Variants in TMEM117 observed in about 807,000 individuals in gnomAD.
TMEM117 encodes transmembrane protein 117.
In TMEM117, 27 loss-of-function variants were observed where a neutral mutation model predicts 52.4. The observed-to-expected ratio is 0.51, with a 90% CI of 0.38 to 0.71. The LOEUF (loss-of-function observed/expected upper bound fraction) is 0.71, where lower values mean the gene tolerates loss of function less well. TMEM117 is among the 30% of genes least tolerant of loss of function. TMEM117 has a pLI of 0.00. For missense variants in TMEM117, 556 were observed against 630.5 expected, an observed-to-expected ratio of 0.88 and a Z score of 1.26; for synonymous variants, 215 against 206.3, an observed-to-expected ratio of 1.04 and a Z score of -0.36.
chr12:44,147,301 G>A (rs2138210893), intron 4 of TMEM117, among the ~76,000 whole-genome samples: 1 of 152,242 alleles, frequency 6.6e-6, no homozygotes, highest in Non-Finnish European at 1.5e-5. Flanking sequence ...GTGCCATTAA[G>A]TCAGAAGCTG....
At chr12:44,174,783 T>C (rs1340145136) in intron 4 of TMEM117, among the ~76,000 whole-genome samples, 1 of 152,160 alleles carries the variant, frequency 6.6e-6, no homozygotes, top group East Asian at 1.9e-4. Context: ...CGTACAGAGT[T>C]TATCTAGTGA....
At chr12:44,259,735 T>C (rs1236987792) in intron 5 of TMEM117, among the ~76,000 whole-genome samples, 1 of 152,164 alleles carries the variant, frequency 6.6e-6, no homozygotes, top group East Asian at 1.9e-4. Context: ...AAAAATAGAA[T>C]TACCCTTTTT....
At chr12:43,796,882 TA>T in the TMEM117 span, 2 of 1,325,072 alleles carry the variant, frequency 1.5e-6, no homozygotes, top group Non-Finnish European at 2.1e-6. Flanking sequence ...GAAAAATAAA[TA>T]TTTTCATTTA....
chr12:43,937,436 T>C lies in TMEM117; in HGVS notation c.278-6774T>C, dbSNP rs138670386. ...CAACTTTTTTCCACAGTAGTCAAAA[T>C]TGGAGAAAACGAACTGTAGCTGTAC... On this transcript the variant is annotated intron_variant, in intron 2 of 7. Coordinates refer to ENST00000266534, the MANE Select transcript of TMEM117 (RefSeq NM_032256.3). Among the ~76,000 whole-genome samples the C allele has an allele frequency of 5.5e-3, 835 of 152,298 alleles. 1 individual carries two copies. Among genetic ancestry groups the C allele is most frequent in the Middle Eastern group, 0.01 (3 of 294 alleles).
At chr12:44,140,660 C>A (rs1279485559) in intron 3 of TMEM117, among the ~76,000 whole-genome samples, 1 of 152,054 alleles carries the variant, frequency 6.6e-6, no homozygotes, top group East Asian at 1.9e-4. Context: ...TAAGTGGAGA[C>A]AGTAGAAGCT....
chr12:43,826,701 C>T, the TMEM117 span, among the ~76,000 whole-genome samples: 1 of 152,140 alleles, frequency 6.6e-6, no homozygotes, highest in Non-Finnish European at 1.5e-5. Context: ...GAAACTGAGG[C>T]CTACAACTAA....
upstream of TMEM117, among the ~76,000 whole-genome samples, chr12:43,833,349 GA>G (rs1388648592): frequency 2.3e-4 from 35 of 152,286 alleles, no homozygotes; most frequent in Admixed American, 7.2e-4. Flanking sequence ...TTCTTAAGGA[GA>G]CAGAAGACAA....
At chr12:44,018,291 A>AT (rs1412660884) in intron 3 of TMEM117, among the ~76,000 whole-genome samples, 2 of 152,150 alleles carry the variant, frequency 1.3e-5, no homozygotes, top group African/African-American at 4.8e-5. Flanking sequence ...TCAAAAATTC[A>AT]TTTTTTTCTC....
chr12:43,822,171 A>G, the TMEM117 span, among the ~76,000 whole-genome samples: 1 of 152,238 alleles, frequency 6.6e-6, no homozygotes, highest in Admixed American at 6.5e-5. Context: ...TAAGGCACAA[A>G]TGTGAGTTGA....
chr12:43,941,214 A>G (rs1945039357), intron 2 of TMEM117, among the ~76,000 whole-genome samples: 1 of 152,220 alleles, frequency 6.6e-6, no homozygotes, highest in Non-Finnish European at 1.5e-5. Context: ...GCCATGTCAG[A>G]AATGTATCCC....
chr12:44,226,027 G>T (rs1322842967), intron 5 of TMEM117, among the ~76,000 whole-genome samples: 1 of 152,176 alleles, frequency 6.6e-6, no homozygotes, highest in Non-Finnish European at 1.5e-5. Flanking sequence ...CCATACACAT[G>T]TTCATTTCGC....
chr12:44,182,285 T>A (rs1949212716), intron 4 of TMEM117, among the ~76,000 whole-genome samples: 1 of 152,162 alleles, frequency 6.6e-6, no homozygotes, highest in South Asian at 2.1e-4. Flanking sequence ...AGATATACAA[T>A]CATGTCATCT....
At chr12:44,067,553 G>A (rs756584313) in intron 3 of TMEM117, among the ~76,000 whole-genome samples, 2 of 152,154 alleles carry the variant, frequency 1.3e-5, no homozygotes, top group Non-Finnish European at 2.9e-5. Context: ...GATTGTCATT[G>A]TCAATGACAT....
intron 3 of TMEM117, among the ~76,000 whole-genome samples, chr12:43,951,290 G>A (rs1031757217): frequency 3.9e-5 from 6 of 152,192 alleles, no homozygotes; most frequent in South Asian, 4.1e-4. Flanking sequence ...CCAGTGAGAC[G>A]CAAGCGTCCA....
chr12:43,842,325 G>A (rs1943128715), intron 1 of TMEM117, among the ~76,000 whole-genome samples: 1 of 152,138 alleles, frequency 6.6e-6, no homozygotes, highest in African/African-American at 2.4e-5. Context: ...CCATTCCTAG[G>A]TGGTCCAAGC....
intron 6 of TMEM117, among the ~76,000 whole-genome samples, chr12:44,316,030 C>T (rs1010501868): frequency 5.9e-5 from 9 of 152,120 alleles, no homozygotes; most frequent in African/African-American, 1.7e-4. Flanking sequence ...GTTTACCACT[C>T]TCTGTGTCTT....
intron 5 of TMEM117, among the ~76,000 whole-genome samples, chr12:44,219,972 C>T (rs1768285961): frequency 6.6e-6 from 1 of 152,090 alleles, no homozygotes; most frequent in Non-Finnish European, 1.5e-5. Context: ...TAAAACAACT[C>T]AAAGTAACAT....
intron 5 of TMEM117, among the ~76,000 whole-genome samples, chr12:44,271,319 C>T (rs1367021940): frequency 6.6e-6 from 1 of 152,028 alleles, no homozygotes; most frequent in Non-Finnish European, 1.5e-5. Flanking sequence ...TCCTTCTTCT[C>T]CTTCTTCATT....
chr12:44,275,382 T>G (rs903327508), intron 5 of TMEM117, among the ~76,000 whole-genome samples: 1 of 151,992 alleles, frequency 6.6e-6, no homozygotes, highest in Non-Finnish European at 1.5e-5. Flanking sequence ...TGGAGAACAG[T>G]TTGGAGGTTC....
Sources: allele counts gnomAD v4.1 joint callset (sites outside exome capture counted in the v4.1 genomes callset), GRCh38; gene constraint gnomAD v4.1.1; transcripts MANE v1.5; gene names NCBI Gene and HGNC (gene_info 2026-07-23, HGNC 2026-07-21).